SLC43A3: variants seen among roughly 807,000 people sequenced by gnomAD.
The protein encoded by SLC43A3 is solute carrier family 43 member 3, also known as equilibrative nucleobase transporter 1.
A neutral mutation model predicts 53.3 loss-of-function variants in SLC43A3; 33 were observed. The observed-to-expected ratio is 0.62, with a 90% CI of 0.47 to 0.83. The LOEUF is 0.83. SLC43A3 is among the 40% of genes least tolerant of loss of function. The pLI, the probability that SLC43A3 is intolerant of heterozygous loss-of-function variation, is 0.00. For missense variants in SLC43A3, 530 were observed against 610.0 expected (o/e 0.87, Z 1.38); for synonymous variants, 236 against 246.2 (o/e 0.96, Z 0.39).
intron 7 of SLC43A3, among the ~76,000 whole-genome samples, chr11:57,418,611 T>C (rs1415562716): frequency 2.0e-5 from 3 of 152,034 alleles, no homozygotes; most frequent in Non-Finnish European, 4.4e-5. Flanking sequence ...TGAGAGGATA[T>C]GATTACATGA....
Position 57,407,675 on chromosome 11 carries a change from G to A in SLC43A3, c.*117C>T. On this transcript the variant is annotated 3_prime_UTR_variant, in exon 14 of 14. Transcript: ENST00000395124. ...TTGTGTGTCTTTATTTTGTGTGTGTGTGTGTGTGTGTGTGTGTTTTGCTGG... is the reference window on the plus strand; with the variant it reads ...TTGTGTGTCTTTATTTTGTGTGTGTATGTGTGTGTGTGTGTGTTTTGCTGG... 4.7e-6 allele frequency: 3 copies of A among 635,514 alleles called. No homozygotes were observed. Among genetic ancestry groups the A allele is most frequent in the Non-Finnish European group, 8.5e-6 (3 of 350,896 alleles). 39.4% of individuals were successfully genotyped at this position (635,514 alleles called of 1,614,324 possible). A position where few individuals can be genotyped will look rare whatever the true frequency, so the allele number is the denominator to read the frequency against.
chr11:57,415,144 G>T (rs921729214), intron 9 of SLC43A3, 38 bp from the exon 10 acceptor site: 2 of 1,588,792 alleles, frequency 1.3e-6, no homozygotes, highest in Admixed American at 1.7e-5. Flanking sequence ...GAATTACGAG[G>T]AAAGTGGACA....
chr11:57,418,408 G>A (rs1286656969), intron 7 of SLC43A3, among the ~76,000 whole-genome samples: 1 of 152,034 alleles, frequency 6.6e-6, no homozygotes, highest in African/African-American at 2.4e-5. Flanking sequence ...AGAGCACTAT[G>A]CAGGGCCAAG....
intron 11 of SLC43A3, among the ~76,000 whole-genome samples, chr11:57,410,644 A>C (rs1337909089): frequency 6.6e-6 from 1 of 152,178 alleles, no homozygotes; most frequent in Non-Finnish European, 1.5e-5. Flanking sequence ...AAAAAAAAAA[A>C]AACTCTGCAG....
At chr11:57,418,901 A>AG (rs1470056342) in intron 7 of SLC43A3, among the ~76,000 whole-genome samples, 1 of 152,250 alleles carries the variant, frequency 6.6e-6, no homozygotes, top group East Asian at 1.9e-4. Flanking sequence ...AAAAAAAAAA[A>AG]AGGTTAAGAT....
intron 7 of SLC43A3, 97 bp from the exon 8 acceptor site, chr11:57,417,984 G>T: frequency 1.8e-6 from 2 of 1,093,834 alleles, no homozygotes; most frequent in Non-Finnish European, 2.7e-6. Flanking sequence ...GGGTCCATCA[G>T]CAGATGAACA....
rs566203987 is a variant in SLC43A3, at chr11:57,407,645, C to T, written c.*147G>A. ...TGAGATTCTTTTCTTGCTGCGCAGA[C>T]GTCCTTGTGTGTCTTTATTTTGTGT... On this transcript the variant is annotated 3_prime_UTR_variant, in exon 14 of 14. Coordinates refer to ENST00000395124, the MANE Select transcript of SLC43A3 (RefSeq NM_199329.3). 8 of 590,370 alleles carry T rather than the reference C, an allele frequency of 1.4e-5. No homozygotes were observed. The highest frequency in any genetic ancestry group is 4.1e-5 in the South Asian group (2 of 48,472). The allele number at this position is 590,370 out of a possible 1,614,324, so 36.6% of individuals were successfully genotyped here.
intron 11 of SLC43A3, among the ~76,000 whole-genome samples, chr11:57,412,035 G>A (rs1280015408): frequency 6.6e-6 from 1 of 152,008 alleles, no homozygotes; most frequent in Non-Finnish European, 1.5e-5. Context: ...CCCAAAAGCA[G>A]TGACAACCCA....
chr11:57,414,916 C>T lies in SLC43A3; in HGVS notation c.943+17G>A. ...CTGGGACATGCAGATGGGCTACCTC[C>T]CAGCCCTACCACATACCTCGTGCCA... On this transcript the variant is annotated intron_variant, in intron 10 of 13. Coordinates refer to ENST00000395124, the MANE Select transcript of SLC43A3 (RefSeq NM_199329.3). 6.2e-7 allele frequency: 1 copy of T among 1,611,048 alleles called. No homozygotes were observed. The highest frequency in any genetic ancestry group is 8.5e-7 in the Non-Finnish European group (1 of 1,179,816).
At chr11:57,412,964 T>C (rs993188928) in intron 11 of SLC43A3, among the ~76,000 whole-genome samples, 1 of 151,708 alleles carries the variant, frequency 6.6e-6, no homozygotes, top group African/African-American at 2.4e-5. Flanking sequence ...TCTAAACCAG[T>C]TGATCAATCT....
At chr11:57,420,495 T>C (rs916991790) in intron 7 of SLC43A3, among the ~76,000 whole-genome samples, 1 of 152,170 alleles carries the variant, frequency 6.6e-6, no homozygotes, top group African/African-American at 2.4e-5. Flanking sequence ...TGACCTCTAA[T>C]AGCCTTGGCA....
In SLC43A3 at chr11:57,409,235, A is replaced by T; in HGVS notation, c.1311T>A (p.Ser437=). 6.2e-7 allele frequency: 1 copy of T among 1,614,212 alleles called. No homozygotes were observed. Among genetic ancestry groups the T allele is most frequent in the Admixed American group, 1.7e-5 (1 of 60,032 alleles). Reference sequence around the variant, plus strand: ...GGGTGAAGATGGGGAACTGGAGCAGAGACACCACAGCCGACAAGGCCATCA... The same window carrying T: ...GGGTGAAGATGGGGAACTGGAGCAGTGACACCACAGCCGACAAGGCCATCA... The part of the protein sequence containing the change: ...GLVMALSAVV[S]LLQFPIFTLI... The change falls in exon 13 of 14, where the codon TCT becomes TCA. Residue 437 remains serine, a synonymous_variant. Coordinates refer to ENST00000395124, the MANE Select transcript of SLC43A3 (RefSeq NM_199329.3).
In SLC43A3 at chr11:57,424,149, G is replaced by A. The variant is rs957043601; in HGVS notation, c.315-121C>T. On this transcript the variant is annotated intron_variant, in intron 4 of 13. Coordinates refer to ENST00000395124, the MANE Select transcript of SLC43A3 (RefSeq NM_199329.3). The stretch of plus-strand genomic sequence containing the variant: ...CTTGACCGCACCCTCAGCCTGGGAT[G>A]CAACGGGCACTGATGCCTCTGAGCC... The A allele has an allele frequency of 2.0e-5, 19 of 953,412 alleles. No homozygotes were observed. The African/African-American group carries it at 3.1e-4, about 15-fold the overall frequency. 59.1% of individuals were successfully genotyped at this position (953,412 alleles called of 1,614,324 possible).
Position 57,425,629 on chromosome 11 carries a change from G to C in SLC43A3, c.226C>G (p.Leu76Val), listed in dbSNP as rs924657731. 4 of 1,614,028 alleles carry C rather than the reference G, an allele frequency of 2.5e-6. No homozygotes were observed. In the African/African-American group the frequency reaches 4.0e-5, roughly 16 times the overall value. Residue 76 changes from leucine to valine, a missense_variant, in exon 4 of 14, where the codon CTG becomes GTG. Physicochemically the swap from Leu to Val is conservative, Grantham distance 32. Around this residue, in one of 3 missense-constraint regions of SLC43A3, gnomAD observed 376 missense variants for 386.7 expected, o/e 0.97. Coordinates refer to ENST00000395124, the MANE Select transcript of SLC43A3 (RefSeq NM_199329.3). ...QDERFSLIFTLGSFMNNFMTF... is the reference protein window; with the variant it reads ...QDERFSLIFTVGSFMNNFMTF... ...ATGAAGTTGTTCATGAAGGACCCCA[G>C]GGTGAAGATGAGTGAGAACCTCTCA...
chr11:57,425,899 G>C (rs1943184508), intron 3 of SLC43A3, 90 bp downstream of exon 3: 13 of 1,394,150 alleles, frequency 9.3e-6, no homozygotes, highest in Non-Finnish European at 1.2e-5. Context: ...CATAGAAAGA[G>C]GGGTGGGCAG....
chr11:57,413,968 C>G (rs1161228852), intron 11 of SLC43A3, among the ~76,000 whole-genome samples: 1 of 152,222 alleles, frequency 6.6e-6, no homozygotes, highest in Non-Finnish European at 1.5e-5. Flanking sequence ...CCAATCCCAT[C>G]CTCACCTAGA....
intron 8 of SLC43A3, 137 bp from the exon 9 acceptor site, chr11:57,416,807 T>C (rs1391195562): frequency 2.1e-5 from 14 of 669,536 alleles, no homozygotes; most frequent in Admixed American, 9.4e-5. Flanking sequence ...GATGCCCAGG[T>C]TGCAGACCAG....
chr11:57,411,968 A>C (rs933398651), intron 11 of SLC43A3, among the ~76,000 whole-genome samples: 1 of 152,096 alleles, frequency 6.6e-6, no homozygotes, highest in Non-Finnish European at 1.5e-5. Flanking sequence ...ATCAGTATTA[A>C]GTATTTATGA....
chr11:57,414,234 G>A (rs1942611806), intron 11 of SLC43A3, among the ~76,000 whole-genome samples: 1 of 152,206 alleles, frequency 6.6e-6, no homozygotes, highest in African/African-American at 2.4e-5. Flanking sequence ...GAGAAGACCA[G>A]GCATGGTGCT....
Sources: allele counts gnomAD v4.1 joint callset (sites outside exome capture counted in the v4.1 genomes callset), GRCh38; gene constraint gnomAD v4.1.1; regional missense constraint gnomAD v4.1.1; transcripts MANE v1.5; gene names NCBI Gene and HGNC (gene_info 2026-07-23, HGNC 2026-07-21).